Variants in SNX29 observed in about 807,000 individuals in gnomAD.
The protein encoded by SNX29 is sorting nexin-29.
In SNX29, 78 loss-of-function variants were observed where a neutral mutation model predicts 102.1. The observed-to-expected ratio is 0.76, with a 90% CI of 0.64 to 0.92. SNX29 has a LOEUF of 0.92. Among genes scored for constraint, SNX29 ranks in the 40% least tolerant of loss-of-function variants. The pLI is 0.00. For missense variants in SNX29, 1,280 were observed against 1,061.7 expected (o/e 1.21, Z -2.86); for synonymous variants, 580 against 414.5 (o/e 1.40, Z -4.85).
intron 15 of SNX29, among the ~76,000 whole-genome samples, chr16:12,333,959 G>A (rs996536409): frequency 1.3e-5 from 2 of 152,162 alleles, no homozygotes; most frequent in Non-Finnish European, 2.9e-5. Flanking sequence ...TGAAATGAAT[G>A]TAACCTCATG....
At chr16:12,262,569 G>A (rs1373521196) in intron 14 of SNX29, among the ~76,000 whole-genome samples, 1 of 152,196 alleles carries the variant, frequency 6.6e-6, no homozygotes, top group African/African-American at 2.4e-5. Flanking sequence ...TGTGTACACC[G>A]GCGGGATGAG....
intron 1 of SNX29, among the ~76,000 whole-genome samples, chr16:11,984,193 T>C (rs2055506974): frequency 6.6e-6 from 1 of 151,840 alleles, no homozygotes; most frequent in Non-Finnish European, 1.5e-5. Flanking sequence ...CTGCCGGTCT[T>C]TGTACACACA....
At chr16:12,565,700 A>G (rs2078973068) in intron 20 of SNX29, among the ~76,000 whole-genome samples, 1 of 151,740 alleles carries the variant, frequency 6.6e-6, no homozygotes, top group African/African-American at 2.4e-5. Context: ...AGGAAGGGGA[A>G]GCAGCTGGGC....
At chr16:12,292,264 G>A (rs763587077) in intron 15 of SNX29, among the ~76,000 whole-genome samples, 4 of 152,194 alleles carry the variant, frequency 2.6e-5, no homozygotes, top group Non-Finnish European at 5.9e-5. Flanking sequence ...ACAGAGGCAA[G>A]ACGCCTCCAT....
chr16:12,135,864 A>G (rs2054640176), intron 13 of SNX29: 2 of 329,442 alleles, frequency 6.1e-6, no homozygotes, highest in South Asian at 2.9e-5. Flanking sequence ...CATCTCAACA[A>G]TCAACCTGCC....
chr16:12,545,132 C>T (rs751895863), intron 20 of SNX29, among the ~76,000 whole-genome samples: 17 of 152,172 alleles, frequency 1.1e-4, no homozygotes, highest in Non-Finnish European at 1.5e-5. Context: ...CCCCACTTAC[C>T]TAGCACAGCT....
intron 15 of SNX29, among the ~76,000 whole-genome samples, chr16:12,324,192 A>AG (rs2081046600): frequency 6.6e-6 from 1 of 151,496 alleles, no homozygotes; most frequent in Non-Finnish European, 1.5e-5. Flanking sequence ...GGGTCCCATG[A>AG]GTTTACATTG....
chr16:12,398,404 T>C, intron 16 of SNX29, 42 bp from the exon 17 acceptor site: 1 of 1,597,918 alleles, frequency 6.3e-7, no homozygotes, highest in South Asian at 1.1e-5. Flanking sequence ...ATGGTAACCA[T>C]TATGCATTTT....
intron 3 of SNX29, among the ~76,000 whole-genome samples, chr16:12,013,500 A>AAAAAAAAAAATATAT: frequency 3.5e-4 from 11 of 31,624 alleles, no homozygotes; most frequent in South Asian, 1.4e-3. Flanking sequence ...AAAAAAAAAA[A>AAAAAAAAAAATATAT]ATATATATAT....
chr16:12,064,421 C>G (rs555959260), intron 9 of SNX29, among the ~76,000 whole-genome samples: 6 of 152,348 alleles, frequency 3.9e-5, no homozygotes, highest in Admixed American at 3.9e-4. Flanking sequence ...GCTGTCAGCT[C>G]GCAGAGTCAG....
chr16:12,469,531 C>G (rs906239230), intron 18 of SNX29, among the ~76,000 whole-genome samples: 1 of 152,168 alleles, frequency 6.6e-6, no homozygotes, highest in Non-Finnish European at 1.5e-5. Context: ...ATTCAACAGT[C>G]AGCATAAAGG....
intron 14 of SNX29, among the ~76,000 whole-genome samples, chr16:12,243,763 C>T (rs114252944): frequency 6.6e-6 from 1 of 152,214 alleles, no homozygotes; most frequent in Admixed American, 6.5e-5. Flanking sequence ...CTCATTCACC[C>T]TCTCAGAGCA....
chr16:12,108,263 G>T (rs566104210), intron 11 of SNX29, among the ~76,000 whole-genome samples: 7 of 152,326 alleles, frequency 4.6e-5, no homozygotes, highest in African/African-American at 1.7e-4. Context: ...GACTGAGGTG[G>T]GGGAGAATGC....
chr16:12,305,430 C>A (rs2080308763), intron 15 of SNX29, among the ~76,000 whole-genome samples: 1 of 152,236 alleles, frequency 6.6e-6, no homozygotes, highest in African/African-American at 2.4e-5. Flanking sequence ...GGCATTTTAG[C>A]TGCCAGTGAC....
chr16:12,552,812 G>T lies in SNX29; in HGVS notation c.2319-15694G>T, dbSNP rs920682107. The stretch of plus-strand genomic sequence containing the variant: ...TTCAGTCATCCTGGAGGAGAGAACA[G>T]CCAACAGTGTGACACCTGACCTGCC... On this transcript the variant is annotated intron_variant, in intron 20 of 20. Coordinates refer to ENST00000566228, the MANE Select transcript of SNX29 (RefSeq NM_032167.5). Among the ~76,000 whole-genome samples, 3 of 152,182 alleles carry T rather than the reference G, an allele frequency of 2.0e-5. No homozygotes were observed. In the East Asian group the frequency reaches 5.8e-4, roughly 29 times the overall value.
At chr16:12,206,922 G>T (rs1197790532) in intron 14 of SNX29, among the ~76,000 whole-genome samples, 1 of 148,976 alleles carries the variant, frequency 6.7e-6, no homozygotes, top group African/African-American at 2.5e-5. Flanking sequence ...AATTAATGAA[G>T]TTCAGGGTCA....
chr16:12,531,431 G>A (rs1206249153), intron 20 of SNX29, among the ~76,000 whole-genome samples: 5 of 152,228 alleles, frequency 3.3e-5, no homozygotes, highest in African/African-American at 1.2e-4. Flanking sequence ...AAGGCAGGGA[G>A]GGCCTGACCC....
intron 14 of SNX29, among the ~76,000 whole-genome samples, chr16:12,234,317 G>A (rs2077859487): frequency 6.6e-6 from 1 of 152,108 alleles, no homozygotes; most frequent in Non-Finnish European, 1.5e-5. Context: ...ATGGTGTTGA[G>A]TATCTTTTCA....
rs190239218 is a variant in SNX29 at position 12,096,964 on chromosome 16, G to A, written c.1402+18049G>A. ...AGGTTAAGGGCTCGGTGCAGGGGAG[G>A]TCAGGAGGTCTTGCACAGATGGGGA... On this transcript the variant is annotated intron_variant, in intron 11 of 20. Transcript: ENST00000566228. This position sits in a 1 kb window ranked among gnomAD's most constrained non-coding sequence, Gnocchi z 4.2. Among the ~76,000 whole-genome samples the A allele has an allele frequency of 3.9e-5, 6 of 152,288 alleles. No homozygotes were observed. In the East Asian group the frequency reaches 1.2e-3, roughly 29 times the overall value.
Sources: allele counts gnomAD v4.1 joint callset (sites outside exome capture counted in the v4.1 genomes callset), GRCh38; gene constraint gnomAD v4.1.1; non-coding constraint Gnocchi (gnomAD v3.1); transcripts MANE v1.5; gene names NCBI Gene and HGNC (gene_info 2026-07-23, HGNC 2026-07-21).